The following CSMD1 variants were observed in gnomAD, a reference collection of about 807,000 sequenced individuals.
CSMD1 encodes the protein CUB and sushi domain-containing protein 1.
CSMD1 carries 213 observed loss-of-function variants against 417.5 expected under a neutral mutation model. That is an observed-to-expected ratio of 0.51 (90% CI 0.46 to 0.57). CSMD1 has a LOEUF of 0.57. Among genes scored for constraint, CSMD1 ranks in the 20% least tolerant of loss-of-function variants. The pLI, the probability that CSMD1 is intolerant of heterozygous loss-of-function variation, is 0.00. For synonymous variants in CSMD1, 2,862 were observed against 1,736.8 expected, an observed-to-expected ratio of 1.65 and a Z score of -16.11; for missense variants, 6,923 against 4,529.7, an observed-to-expected ratio of 1.53 and a Z score of -15.17.
chr8:3,367,287 G>A (rs1183251437), intron 19 of CSMD1, 40 bp from the exon 20 acceptor site: 1 of 1,452,058 alleles, frequency 6.9e-7, no homozygotes, highest in East Asian at 2.3e-5. Context: ...GAGACAGAGA[G>A]AGACACACGG....
rs769886082 is a variant in CSMD1 at position 3,523,638 on chromosome 8, C to T, written c.1345-29912G>A. Among the ~76,000 whole-genome samples the T allele has an allele frequency of 1.3e-4, 20 of 151,684 alleles. No homozygotes were observed. The East Asian group carries it at 1.6e-3, about 12-fold the overall frequency. On this transcript the variant is annotated intron_variant, in intron 10 of 69. Coordinates refer to ENST00000635120, the MANE Select transcript of CSMD1 (RefSeq NM_033225.6). Reference sequence around the variant, plus strand: ...ACACACATGCATGCACACCGAGACACGTGCACACACAGGCACAGTTACACA... The same window carrying T: ...ACACACATGCATGCACACCGAGACATGTGCACACACAGGCACAGTTACACA...
At chr8:4,967,321 C>A (rs977417135) in intron 1 of CSMD1, among the ~76,000 whole-genome samples, 2 of 152,068 alleles carry the variant, frequency 1.3e-5, no homozygotes, top group African/African-American at 4.8e-5. Context: ...CTTCTCTGAA[C>A]AATTAGTTTT....
intron 10 of CSMD1, among the ~76,000 whole-genome samples, chr8:3,538,468 A>G (rs73658179): frequency 0.022 from 3,302 of 150,924 alleles, 148 homozygotes; most frequent in East Asian, 0.17. Context: ...TGCCTCACCT[A>G]AGATGATACA....
At chr8:4,187,820 GT>G (rs551687452) in intron 3 of CSMD1, among the ~76,000 whole-genome samples, 1 of 151,770 alleles carries the variant, frequency 6.6e-6, no homozygotes, top group Non-Finnish European at 1.5e-5. Context: ...CAAAATCACA[GT>G]TTCAGATGAC....
At chr8:4,632,574 G>T (rs947441284) in intron 2 of CSMD1, among the ~76,000 whole-genome samples, 1 of 152,152 alleles carries the variant, frequency 6.6e-6, no homozygotes, top group African/African-American at 2.4e-5. Context: ...GACACATTCA[G>T]GGCACATTTC....
intron 3 of CSMD1, among the ~76,000 whole-genome samples, chr8:4,325,875 T>C (rs1425291231): frequency 5.3e-5 from 8 of 152,176 alleles, no homozygotes; most frequent in Admixed American, 6.5e-5. Context: ...GAGAGTTCCG[T>C]TCTGTATATG....
At chr8:3,904,018 T>C (rs748686059) in intron 5 of CSMD1, among the ~76,000 whole-genome samples, 7 of 151,274 alleles carry the variant, frequency 4.6e-5, no homozygotes, top group Non-Finnish European at 5.9e-5. Context: ...TCTGCCTATC[T>C]AGGTGGGTCT....
At chr8:4,634,635 T>C (rs1247940025) in intron 2 of CSMD1, among the ~76,000 whole-genome samples, 2 of 152,196 alleles carry the variant, frequency 1.3e-5, no homozygotes, top group African/African-American at 2.4e-5. Flanking sequence ...TAGAGCTGCC[T>C]TAAGGGTTGC....
chr8:4,291,810 G>C (rs1188151298), intron 3 of CSMD1, among the ~76,000 whole-genome samples: 2 of 152,208 alleles, frequency 1.3e-5, no homozygotes, highest in African/African-American at 2.4e-5. Flanking sequence ...ATCTGGTTCT[G>C]AAATGTCATG....
rs1404606821 is a variant in CSMD1, at chr8:3,117,189, G to T, written c.6430+1210C>A. ...GGGTTCCCGCCATTCTCCCACCTCA[G>T]CCTCTGGAGTAGCTGGGACTACAGG... is the stretch of plus-strand genomic sequence containing the variant. On this transcript the variant is annotated intron_variant, in intron 42 of 69. Coordinates refer to ENST00000635120, the MANE Select transcript of CSMD1 (RefSeq NM_033225.6). Among the ~76,000 whole-genome samples the T allele has an allele frequency of 6.6e-5, 10 of 152,212 alleles. No homozygotes were observed. The East Asian group carries it at 1.9e-3, about 29-fold the overall frequency.
chr8:3,908,437 C>A (rs1401563421), intron 5 of CSMD1, among the ~76,000 whole-genome samples: 1 of 152,136 alleles, frequency 6.6e-6, no homozygotes, highest in Non-Finnish European at 1.5e-5. Flanking sequence ...CAAAACTTTG[C>A]TCGCAGATTT....
chr8:4,263,396 C>T (rs1346466956), intron 3 of CSMD1, among the ~76,000 whole-genome samples: 1 of 152,176 alleles, frequency 6.6e-6, no homozygotes, highest in African/African-American at 2.4e-5. Context: ...GCTTTGACCA[C>T]ATTTCTATTA....
chr8:3,710,902 G>A (rs554118045), intron 6 of CSMD1, among the ~76,000 whole-genome samples: 150 of 152,236 alleles, frequency 9.9e-4, no homozygotes, highest in South Asian at 1.9e-3. Flanking sequence ...CATGGAGACA[G>A]GAGGGCAGGG....
intron 26 of CSMD1, among the ~76,000 whole-genome samples, chr8:3,239,589 T>C (rs1799364245): frequency 6.6e-6 from 1 of 151,956 alleles, no homozygotes. Context: ...GAATAATCTC[T>C]GAGAAGTAGT....
chr8:3,968,369 C>A (rs994540348), intron 5 of CSMD1, among the ~76,000 whole-genome samples: 1 of 152,122 alleles, frequency 6.6e-6, no homozygotes, highest in East Asian at 1.9e-4. Context: ...CCAACCTGGG[C>A]ACCAGCTCAG....
intron 3 of CSMD1, among the ~76,000 whole-genome samples, chr8:4,229,096 A>G (rs2221421): frequency 9.5e-4 from 145 of 152,338 alleles, no homozygotes; most frequent in African/African-American, 3.4e-3. Flanking sequence ...TGCACTCCCA[A>G]GTGTGCTTTT....
chr8:3,623,268 A>G (rs1024321402), intron 7 of CSMD1, among the ~76,000 whole-genome samples: 3 of 152,348 alleles, frequency 2.0e-5, no homozygotes, highest in Non-Finnish European at 2.9e-5. Context: ...GTGACTCTGC[A>G]GGGCAGTAAA....
chr8:3,960,870 C>T (rs540472034), intron 5 of CSMD1, among the ~76,000 whole-genome samples: 1 of 152,014 alleles, frequency 6.6e-6, no homozygotes, highest in South Asian at 2.1e-4. Context: ...CACTTTTATA[C>T]CTAATGTTTA....
At chr8:4,538,334 C>T (rs564006135) in intron 2 of CSMD1, among the ~76,000 whole-genome samples, 96 of 152,100 alleles carry the variant, frequency 6.3e-4, no homozygotes, top group Non-Finnish European at 1.2e-3. Flanking sequence ...CATATTTTCT[C>T]TTCAGGTCTA....
Sources: allele counts gnomAD v4.1 joint callset (sites outside exome capture counted in the v4.1 genomes callset), GRCh38; gene constraint gnomAD v4.1.1; transcripts MANE v1.5; gene names NCBI Gene and HGNC (gene_info 2026-07-23, HGNC 2026-07-21).